The following CNTNAP3B variants were observed in gnomAD, a reference collection of about 807,000 sequenced individuals.
CNTNAP3B encodes the protein contactin associated protein family member 3B, also known as contactin-associated protein-like 3B.
CNTNAP3B carries 25 observed loss-of-function variants against 108.9 expected under a neutral mutation model. The observed-to-expected ratio is 0.23, with a 90% CI of 0.17 to 0.32. The LOEUF is 0.32. Among genes scored for constraint, CNTNAP3B ranks in the 10% least tolerant of loss-of-function variants. The pLI, the probability that CNTNAP3B is intolerant of heterozygous loss-of-function variation, is 1.00. For missense variants in CNTNAP3B, 252 were observed against 1,210.4 expected (o/e 0.21, Z 11.75); for synonymous variants, 103 against 473.4 (o/e 0.22, Z 10.16).
chr9:41,963,858 T>G (rs1196404485), intron 11 of CNTNAP3B, among the ~76,000 whole-genome samples: 3 of 152,310 alleles, frequency 2.0e-5, no homozygotes, highest in Non-Finnish European at 2.9e-5. Flanking sequence ...TAAGAGTACT[T>G]TCTTCCAGCT....
chr9:42,127,156 G>A (rs1229831459), intron 1 of CNTNAP3B, among the ~76,000 whole-genome samples: 1 of 138,592 alleles, frequency 7.2e-6, no homozygotes, highest in Non-Finnish European at 1.5e-5. Flanking sequence ...ATCAACGAAA[G>A]AAGACTGAAA....
intron 2 of CNTNAP3B, among the ~76,000 whole-genome samples, chr9:42,095,711 C>T (rs71512021): frequency 1.4e-5 from 2 of 139,180 alleles, no homozygotes; most frequent in Non-Finnish European, 3.1e-5. Context: ...CAGGTGTCTC[C>T]GTCCAGTTAA....
intron 3 of CNTNAP3B, among the ~76,000 whole-genome samples, chr9:42,019,457 C>T (rs1302798173): frequency 5.0e-5 from 4 of 80,318 alleles, no homozygotes; most frequent in African/African-American, 2.2e-4. Context: ...AAGCACGCTA[C>T]AAAGTACTAC....
rs1320044446 is a variant in CNTNAP3B, at chr9:41,972,753, G to A, written c.1478-2508C>T. On this transcript the variant is annotated intron_variant, in intron 9 of 23. Coordinates refer to ENST00000377561, the MANE Select transcript of CNTNAP3B (RefSeq NM_001201380.3). ...TACAGCAGAACCTTCTGAAGAATGG[G>A]ATAGAGAGTGAACTTTGTATAATTC... Among the ~76,000 whole-genome samples, 11 of 134,868 alleles carry A rather than the reference G, an allele frequency of 8.2e-5. 2 individuals are homozygous for A. Among genetic ancestry groups the A allele is most frequent in the African/African-American group, 3.0e-4 (10 of 33,824 alleles). 88.5% of individuals were successfully genotyped at this position (134,868 alleles called of 152,430 possible).
chr9:42,088,370 C>G (rs1417421760), intron 2 of CNTNAP3B, among the ~76,000 whole-genome samples: 1 of 135,814 alleles, frequency 7.4e-6, no homozygotes, highest in Non-Finnish European at 1.6e-5. Context: ...GAGAATCAGA[C>G]CAGCCAAATA....
Position 42,095,361 on chromosome 9 carries a change from G to A in CNTNAP3B, c.196+9268C>T, listed in dbSNP as rs184669501. ...CAAGTGTCAGAGTTCCCTGCATCAC[G>A]GGTTTTAACCCACACCTTTGATGTA... is the stretch of plus-strand genomic sequence containing the variant. On this transcript the variant is annotated intron_variant, in intron 2 of 23. Coordinates refer to ENST00000377561, the MANE Select transcript of CNTNAP3B (RefSeq NM_001201380.3). Among the ~76,000 whole-genome samples the A allele has an allele frequency of 7.9e-5, 11 of 138,918 alleles. 1 individual carries two copies. Among genetic ancestry groups the A allele is most frequent in the Admixed American group, 7.8e-4 (11 of 14,032 alleles). 91.1% of individuals were successfully genotyped at this position (138,918 alleles called of 152,430 possible). A position where few individuals can be genotyped will look rare whatever the true frequency, so the allele number is the denominator to read the frequency against.
At chr9:42,088,653 A>G (rs1827754065) in intron 2 of CNTNAP3B, among the ~76,000 whole-genome samples, 1 of 138,368 alleles carries the variant, frequency 7.2e-6, no homozygotes, top group Admixed American at 7.2e-5. Flanking sequence ...ACATATTCAC[A>G]TTGTCATATG....
At chr9:42,121,536 ACAAT>A (rs1368850642) in intron 1 of CNTNAP3B, among the ~76,000 whole-genome samples, 10 of 138,764 alleles carry the variant, frequency 7.2e-5, no homozygotes, top group Non-Finnish European at 1.1e-4. Context: ...AAACAAATTG[ACAAT>A]CAACCCCGGC....
At chr9:42,020,594 A>G (rs1431856154) in intron 3 of CNTNAP3B, among the ~76,000 whole-genome samples, 3 of 148,726 alleles carry the variant, frequency 2.0e-5, no homozygotes, top group Non-Finnish European at 4.4e-5. Context: ...CATGATAGGC[A>G]TTGTTGCAAA....
At chr9:42,086,126 CA>C (rs1252639020) in intron 2 of CNTNAP3B, among the ~76,000 whole-genome samples, 1 of 140,664 alleles carries the variant, frequency 7.1e-6, no homozygotes, top group African/African-American at 2.8e-5. Context: ...AGGCGAAAAG[CA>C]TATTTTACGT....
chr9:41,915,666 G>A (rs1342676958), intron 18 of CNTNAP3B, among the ~76,000 whole-genome samples: 1 of 139,714 alleles, frequency 7.2e-6, no homozygotes. Context: ...TTTATTGAGT[G>A]TTTTTGTTTT....
At chr9:41,954,463 T>A (rs1457682745) in intron 12 of CNTNAP3B, among the ~76,000 whole-genome samples, 2 of 152,272 alleles carry the variant, frequency 1.3e-5, no homozygotes, top group South Asian at 2.1e-4. Context: ...GAAATATCTC[T>A]TTAGTCACAG....
intron 1 of CNTNAP3B, among the ~76,000 whole-genome samples, chr9:42,113,002 G>A (rs577759355): frequency 7.6e-6 from 1 of 131,530 alleles, no homozygotes; most frequent in East Asian, 2.4e-4. Context: ...TGATCCACCT[G>A]CCTCAACCTC....
intron 13 of CNTNAP3B, among the ~76,000 whole-genome samples, chr9:41,938,639 A>C (rs1175714207): frequency 6.6e-6 from 1 of 152,294 alleles, no homozygotes; most frequent in Non-Finnish European, 1.5e-5. Flanking sequence ...TTCTTCTATT[A>C]GAAATCAGTC....
At chr9:41,935,993 T>A (rs1824145126) in intron 14 of CNTNAP3B, among the ~76,000 whole-genome samples, 1 of 152,264 alleles carries the variant, frequency 6.6e-6, no homozygotes, top group South Asian at 2.1e-4. Context: ...AGTGATACGT[T>A]CCTCTGGTTA....
intron 12 of CNTNAP3B, among the ~76,000 whole-genome samples, chr9:41,954,749 T>C (rs1587140874): frequency 2.0e-5 from 3 of 152,394 alleles, no homozygotes; most frequent in African/African-American, 7.2e-5. Context: ...AGTGGCGCTA[T>C]CTCAGCTCAC....
chr9:41,963,629 C>G (rs1347873186), intron 11 of CNTNAP3B, among the ~76,000 whole-genome samples: 1 of 151,684 alleles, frequency 6.6e-6, no homozygotes. Flanking sequence ...CCATCTCCAG[C>G]GATTCTGATT....
chr9:41,931,478 T>C (rs1002930020), intron 14 of CNTNAP3B, among the ~76,000 whole-genome samples: 6 of 152,294 alleles, frequency 3.9e-5, no homozygotes, highest in African/African-American at 7.2e-5. Flanking sequence ...GGTATCAAAC[T>C]TTCAAATTGG....
rs1825445845 is a variant in CNTNAP3B at position 41,972,842 on chromosome 9, T to C, written c.1478-2597A>G. ...AGAATTAAGAGGATTATTAATTCAATAAATATTTTCCAGTAATGAATTATA... is the reference window on the plus strand; with the variant it reads ...AGAATTAAGAGGATTATTAATTCAACAAATATTTTCCAGTAATGAATTATA... On this transcript the variant is annotated intron_variant, in intron 9 of 23. Coordinates refer to ENST00000377561, the MANE Select transcript of CNTNAP3B (RefSeq NM_001201380.3). Among the ~76,000 whole-genome samples, 2 of 137,398 alleles carry C rather than the reference T, an allele frequency of 1.5e-5. 1 individual carries two copies. The highest frequency in any genetic ancestry group is 3.1e-5 in the Non-Finnish European group (2 of 64,424). The allele number at this position is 137,398 out of a possible 152,430, so 90.1% of individuals were successfully genotyped here.
Sources: allele counts gnomAD v4.1 joint callset (sites outside exome capture counted in the v4.1 genomes callset), GRCh38; gene constraint gnomAD v4.1.1; transcripts MANE v1.5; gene names NCBI Gene and HGNC (gene_info 2026-07-23, HGNC 2026-07-21).